Variants in AUH observed in about 807,000 individuals in gnomAD.
The protein encoded by AUH is AU RNA binding methylglutaconyl-CoA hydratase.
In AUH, 29 loss-of-function variants were observed where a neutral mutation model predicts 42.3. The observed-to-expected ratio is 0.69, with a 90% confidence interval of 0.51 to 0.93. The LOEUF (loss-of-function observed/expected upper bound fraction) is 0.93, where lower values mean the gene tolerates loss of function less well. Among genes scored for constraint, AUH ranks in the 40% least tolerant of loss-of-function variants. The pLI, the probability that AUH is intolerant of heterozygous loss-of-function variation, is 0.00. For missense variants in AUH, 452 were observed against 438.1 expected (o/e 1.03, Z -0.28); for synonymous variants, 174 against 166.4 (o/e 1.05, Z -0.35).
chr9:91,327,547 T>C (rs527415448), intron 3 of AUH, among the ~76,000 whole-genome samples: 132 of 152,264 alleles, frequency 8.7e-4, no homozygotes, highest in African/African-American at 2.9e-3. Context: ...AGCTGAGAGC[T>C]TTCCTTATGT....
At chr9:91,297,255 G>C (rs550183087) in intron 5 of AUH, among the ~76,000 whole-genome samples, 22 of 152,276 alleles carry the variant, frequency 1.4e-4, no homozygotes, top group Admixed American at 6.5e-4. Context: ...CCTGCTCTGA[G>C]GGTTGTTATG....
chr9:91,267,893 C>G (rs971413140), intron 6 of AUH, among the ~76,000 whole-genome samples: 5 of 152,092 alleles, frequency 3.3e-5, no homozygotes, highest in African/African-American at 1.2e-4. Flanking sequence ...GATGACAACG[C>G]GGATTTGCTG....
intron 6 of AUH, among the ~76,000 whole-genome samples, chr9:91,228,829 A>G (rs1235831165): frequency 6.6e-6 from 1 of 152,196 alleles, no homozygotes; most frequent in Non-Finnish European, 1.5e-5. Context: ...GTCATTTAGG[A>G]GCAGGTTGTT....
chr9:91,279,687 T>C (rs866026681), intron 6 of AUH, among the ~76,000 whole-genome samples: 25 of 152,302 alleles, frequency 1.6e-4, no homozygotes, highest in South Asian at 8.3e-4. Flanking sequence ...ATGGGAAATC[T>C]GCCCCAACGA....
In AUH at chr9:91,297,449, G is replaced by C. The variant is rs536516583; in HGVS notation, c.598+535C>G. On this transcript the variant is annotated intron_variant, in intron 5 of 9. Coordinates refer to ENST00000375731, the MANE Select transcript of AUH (RefSeq NM_001698.3). The stretch of plus-strand genomic sequence containing the variant: ...TCAGTTATCATTACTGTAGCAAATG[G>C]TGATTTAGTACTTAGATTAACATCC... Among the ~76,000 whole-genome samples the C allele has an allele frequency of 1.9e-3, 282 of 152,210 alleles. 7 individuals are homozygous for C. Among genetic ancestry groups the C allele is most frequent in the Middle Eastern group, 3.4e-3 (1 of 294 alleles).
chr9:91,298,944 C>T (rs1238308465), intron 4 of AUH, among the ~76,000 whole-genome samples: 3 of 152,126 alleles, frequency 2.0e-5, no homozygotes, highest in African/African-American at 4.8e-5. Context: ...ATCGGCCGGG[C>T]GCTGTGGCTC....
intron 6 of AUH, among the ~76,000 whole-genome samples, chr9:91,261,667 C>T (rs1829714737): frequency 6.6e-6 from 1 of 152,166 alleles, no homozygotes; most frequent in Non-Finnish European, 1.5e-5. Flanking sequence ...CTCAGAATTC[C>T]TAGGTTCCTC....
At chr9:91,222,156 A>T (rs566784757) in intron 6 of AUH, among the ~76,000 whole-genome samples, 39 of 136,550 alleles carry the variant, frequency 2.9e-4, no homozygotes, top group African/African-American at 1.1e-3. Flanking sequence ...ATTTTATCTT[A>T]AAAAAAAAAC....
Position 91,214,265 on chromosome 9 carries a change from T to G in AUH, c.*83A>C. 8.5e-7 allele frequency: 1 copy of G among 1,182,602 alleles called. No individual in the cohort carries two copies. The highest frequency in any genetic ancestry group is 1.3e-5 in the South Asian group (1 of 77,376). The allele number at this position is 1,182,602 out of a possible 1,614,324, so 73.3% of individuals were successfully genotyped here. On this transcript the variant is annotated 3_prime_UTR_variant, in exon 10 of 10. Coordinates refer to ENST00000375731, the MANE Select transcript of AUH (RefSeq NM_001698.3). The stretch of plus-strand genomic sequence containing the variant: ...CTTCACTTTGGTCATTAAGGTTCCA[T>G]GTGCTGAGGCATATAGTGGATCCGA...
chr9:91,295,970 G>A (rs940952264), intron 6 of AUH, 51 bp downstream of exon 6: 5 of 1,600,232 alleles, frequency 3.1e-6, no homozygotes, highest in Non-Finnish European at 4.3e-6. Context: ...CTTATGCCCT[G>A]TTTCTAGGAC....
intron 6 of AUH, among the ~76,000 whole-genome samples, chr9:91,274,215 C>T (rs913239803): frequency 1.3e-5 from 2 of 152,114 alleles, no homozygotes; most frequent in African/African-American, 2.4e-5. Flanking sequence ...CTAGAAAATA[C>T]AAAATATAGA....
rs774085741 is a variant in AUH at position 91,355,847 on chromosome 9, TAC to T, written c.418+34_418+35del. The T allele has an allele frequency of 1.3e-5, 20 of 1,563,180 alleles. No homozygotes were observed. The South Asian group carries it at 2.2e-4, about 17-fold the overall frequency. ...GATTACTATTGAGGAAAAATCAGAC[TAC>T]AGTTTAATTTCATAATACAACATAT... is the stretch of plus-strand genomic sequence containing the variant. On this transcript the variant is annotated intron_variant, in intron 3 of 9. Coordinates refer to ENST00000375731, the MANE Select transcript of AUH (RefSeq NM_001698.3).
intron 4 of AUH, among the ~76,000 whole-genome samples, chr9:91,301,337 G>A (rs1827768010): frequency 6.6e-6 from 1 of 152,314 alleles, no homozygotes; most frequent in Middle Eastern, 3.4e-3. Flanking sequence ...AATCTCTGGA[G>A]TGATAAATGC....
chr9:91,276,850 GT>G (rs1825584795), intron 6 of AUH, among the ~76,000 whole-genome samples: 1 of 152,186 alleles, frequency 6.6e-6, no homozygotes, highest in African/African-American at 2.4e-5. Context: ...TGTTTGCCAT[GT>G]GGTTTTCTTC....
chr9:91,286,958 A>G (rs1826461537), intron 6 of AUH, among the ~76,000 whole-genome samples: 1 of 152,136 alleles, frequency 6.6e-6, no homozygotes, highest in Non-Finnish European at 1.5e-5. Flanking sequence ...ATACACACAC[A>G]CTAATGAGTA....
At chr9:91,233,713 TC>T (rs1195809309) in intron 6 of AUH, among the ~76,000 whole-genome samples, 1 of 152,152 alleles carries the variant, frequency 6.6e-6, no homozygotes, top group Non-Finnish European at 1.5e-5. Context: ...GCTACAAAGA[TC>T]AATAACAAGT....
At chr9:91,282,286 C>A (rs375075012) in intron 6 of AUH, among the ~76,000 whole-genome samples, 2 of 152,196 alleles carry the variant, frequency 1.3e-5, no homozygotes, top group East Asian at 1.9e-4. Context: ...TTGCTCTGAC[C>A]TCTTGGTTTT....
intron 6 of AUH, among the ~76,000 whole-genome samples, chr9:91,223,721 A>C (rs1827267480): frequency 6.6e-6 from 1 of 151,962 alleles, no homozygotes; most frequent in East Asian, 1.9e-4. Flanking sequence ...CTACACCCTC[A>C]CCAACACTTA....
chr9:91,216,667 A>G (rs1826837824), intron 8 of AUH, among the ~76,000 whole-genome samples: 1 of 152,210 alleles, frequency 6.6e-6, no homozygotes, highest in African/African-American at 2.4e-5. Flanking sequence ...GTCTACCAAG[A>G]AGGAAGCACT....
Sources: gnomAD v4.1 joint callset for allele counts (sites outside exome capture counted in the v4.1 genomes callset) on GRCh38, gnomAD v4.1.1 for gene constraint, MANE v1.5 for transcripts, NCBI Gene and HGNC (gene_info 2026-07-23, HGNC 2026-07-21) for gene names.